The following TRA2A variants were observed in gnomAD, a reference collection of about 807,000 sequenced individuals.
TRA2A encodes the protein transformer 2 alpha homolog, also known as transformer-2 protein homolog alpha.
TRA2A carries 31 observed loss-of-function variants against 45.7 expected under a neutral mutation model. That is an observed-to-expected ratio of 0.68 (90% CI 0.51 to 0.92). The LOEUF is 0.92. TRA2A is among the 40% of genes least tolerant of loss of function. The pLI, the probability that TRA2A is intolerant of heterozygous loss-of-function variation, is 0.00. For missense variants in TRA2A, 304 were observed against 367.5 expected (o/e 0.83, Z 1.41); for synonymous variants, 132 against 126.2 (o/e 1.05, Z -0.31).
chr7:23,520,380 G>A (rs1359465030), intron 2 of TRA2A, among the ~76,000 whole-genome samples: 1 of 152,228 alleles, frequency 6.6e-6, no homozygotes, highest in Non-Finnish European at 1.5e-5. Context: ...GTTCTAGGTT[G>A]AAGGTGGCAA....
At chr7:23,525,447 C>T (rs1486091512) in intron 1 of TRA2A, among the ~76,000 whole-genome samples, 2 of 152,190 alleles carry the variant, frequency 1.3e-5, no homozygotes, top group African/African-American at 2.4e-5. Context: ...TAAAAATACA[C>T]TGCCCGGTTT....
intron 2 of TRA2A, among the ~76,000 whole-genome samples, chr7:23,518,555 T>G (rs921024736): frequency 6.6e-6 from 1 of 151,776 alleles, no homozygotes; most frequent in Non-Finnish European, 1.5e-5. Context: ...GTTGGCCAGG[T>G]TGGTCTCGAA....
At chr7:23,528,360 A>G (rs1313305350) in intron 1 of TRA2A, among the ~76,000 whole-genome samples, 1 of 151,850 alleles carries the variant, frequency 6.6e-6, no homozygotes, top group East Asian at 2.0e-4. Context: ...GACGCGCGCC[A>G]CCACGCCCAG....
intron 1 of TRA2A, chr7:23,522,382 T>C: frequency 7.9e-7 from 1 of 1,269,998 alleles, no homozygotes; most frequent in African/African-American, 1.6e-5. Flanking sequence ...TATCTTGATT[T>C]ATCTTCCACA....
intron 1 of TRA2A, among the ~76,000 whole-genome samples, chr7:23,525,307 T>A (rs1403122145): frequency 6.6e-6 from 1 of 152,198 alleles, no homozygotes; most frequent in Non-Finnish European, 1.5e-5. Flanking sequence ...GAATTGAAAT[T>A]GCAAACAAAA....
At chr7:23,524,809 A>G (rs1790275020) in intron 1 of TRA2A, among the ~76,000 whole-genome samples, 1 of 151,772 alleles carries the variant, frequency 6.6e-6, no homozygotes, top group South Asian at 2.1e-4. Context: ...CTCCTGCCTT[A>G]GCCTCCTGAG....
At position 23,515,840 on chromosome 7, in the gene TRA2A, C is replaced by T. The variant is rs191074034; in HGVS notation, c.336+523G>A. Among the ~76,000 whole-genome samples the T allele has an allele frequency of 4.1e-3, 628 of 152,028 alleles. 11 individuals are homozygous for T. Among genetic ancestry groups the T allele is most frequent in the African/African-American group, 0.014 (602 of 41,518 alleles). Reference sequence around the variant, plus strand: ...GGATTACAGGTGTGAGCCACCACGCCCAGCCTTCATGTCCTTTTTACTCAA... The same window carrying T: ...GGATTACAGGTGTGAGCCACCACGCTCAGCCTTCATGTCCTTTTTACTCAA... On this transcript the variant is annotated intron_variant, in intron 3 of 7. Coordinates refer to ENST00000297071, the MANE Select transcript of TRA2A (RefSeq NM_013293.5).
intron 2 of TRA2A, among the ~76,000 whole-genome samples, chr7:23,518,690 T>TC (rs1257749497): frequency 4.2e-4 from 58 of 137,856 alleles, no homozygotes; most frequent in African/African-American, 1.3e-3. Context: ...TTTTTTTTTT[T>TC]CCCCCTTCTT....
rs775527919 is a variant in TRA2A, at chr7:23,531,876, G to T, written c.-52C>A. ...ATAAGAGACAAGTCTCGGCTCGAGG[G>T]CCGATGGCCTAATTAACCCGCTGAC... On this transcript the variant is annotated 5_prime_UTR_variant, in exon 1 of 8. Coordinates refer to ENST00000297071, the MANE Select transcript of TRA2A (RefSeq NM_013293.5). The T allele has an allele frequency of 6.2e-7, 1 of 1,600,746 alleles. No homozygotes were observed. Among genetic ancestry groups the T allele is most frequent in the African/African-American group, 1.3e-5 (1 of 74,856 alleles).
Position 23,505,499 on chromosome 7 carries a change from T to TAAA in TRA2A, c.*59_*60insTTT. The TAAA allele has an allele frequency of 3.7e-6, 1 of 269,612 alleles. No individual in the cohort carries two copies. The allele number at this position is 269,612 out of a possible 1,614,324, so 16.7% of individuals were successfully genotyped here. ...TCCACAGCTTGGGGAAATCTCAGAA[T>TAAA]TAAAAAAAAAAAAAAAAAAAAGAGG... On this transcript the variant is annotated 3_prime_UTR_variant, in exon 8 of 8. Transcript: ENST00000297071.
intron 1 of TRA2A, chr7:23,522,577 ATTTTATAGTCTTT>A: frequency 1.7e-5 from 3 of 176,248 alleles, no homozygotes; most frequent in Non-Finnish European, 3.4e-5. Context: ...AAAAAAAACA[ATTTTATAGTCTTT>A]AAAATTGTTC....
chr7:23,526,832 CA>C, intron 1 of TRA2A, among the ~76,000 whole-genome samples: 1 of 152,260 alleles, frequency 6.6e-6, no homozygotes, highest in East Asian at 1.9e-4. Flanking sequence ...TGCAAAGACT[CA>C]AACATATTCT....
At position 23,521,924 on chromosome 7, in the gene TRA2A, T is replaced by G. The variant is rs563227755; in HGVS notation, c.37-84A>C. The G allele has an allele frequency of 2.2e-4, 345 of 1,561,416 alleles. 7 individuals carry two copies. In the South Asian group the frequency reaches 3.8e-3, roughly 17 times the overall value. On this transcript the variant is annotated intron_variant, in intron 1 of 7. Transcript: ENST00000297071. ...ATTTAAAGTACCGTAATTATTTATA[T>G]TGATTGCTCCTGAAAAACAAATGGT... is the stretch of plus-strand genomic sequence containing the variant.
At chr7:23,509,628 C>T (rs917142628) in intron 4 of TRA2A, among the ~76,000 whole-genome samples, 4 of 151,776 alleles carry the variant, frequency 2.6e-5, no homozygotes, top group Admixed American at 2.0e-4. Flanking sequence ...CCTAGCTACT[C>T]GGGAGGCAGA....
chr7:23,525,705 C>T (rs193294230), intron 1 of TRA2A, among the ~76,000 whole-genome samples: 1 of 152,208 alleles, frequency 6.6e-6, no homozygotes, highest in Non-Finnish European at 1.5e-5. Context: ...AGCAATTCTG[C>T]CTCAGCTTCC....
chr7:23,508,771 G>A (rs899640913), intron 4 of TRA2A, among the ~76,000 whole-genome samples: 1 of 152,274 alleles, frequency 6.6e-6, no homozygotes, highest in East Asian at 1.9e-4. Context: ...TGGGATTACA[G>A]GCGTAAGCCA....
At chr7:23,515,575 C>CT (rs1322970490) in intron 3 of TRA2A, among the ~76,000 whole-genome samples, 1 of 150,306 alleles carries the variant, frequency 6.7e-6, no homozygotes, top group African/African-American at 2.5e-5. Flanking sequence ...GAGTCTCGCT[C>CT]TGTCTCCCAG....
At chr7:23,512,264 G>A (rs989546694) in intron 4 of TRA2A, among the ~76,000 whole-genome samples, 43 of 152,176 alleles carry the variant, frequency 2.8e-4, no homozygotes, top group African/African-American at 1.0e-3. Context: ...CATTCTGGGA[G>A]GATCACTTGA....
chr7:23,517,564 G>C (rs924084894), intron 2 of TRA2A, among the ~76,000 whole-genome samples: 3 of 142,088 alleles, frequency 2.1e-5, no homozygotes, highest in Non-Finnish European at 3.0e-5. Context: ...AGGCAACATA[G>C]CAAGACTCCA....
Sources: allele counts gnomAD v4.1 joint callset (sites outside exome capture counted in the v4.1 genomes callset), GRCh38; gene constraint gnomAD v4.1.1; transcripts MANE v1.5; gene names NCBI Gene and HGNC (gene_info 2026-07-23, HGNC 2026-07-21).